The following MAT2B variants were observed in gnomAD, a reference collection of about 807,000 sequenced individuals.
MAT2B encodes the protein methionine adenosyltransferase 2 non-catalytic beta subunit.
Under a neutral mutation model 36.1 loss-of-function variants are expected in MAT2B, and 16 were observed. The ratio of observed to expected loss-of-function variants is 0.44; its 90% CI spans 0.30 to 0.67. The LOEUF is 0.67. MAT2B is among the 30% of genes least tolerant of loss of function. The pLI, the probability that MAT2B is intolerant of heterozygous loss-of-function variation, is 0.09. For missense variants in MAT2B, 332 were observed against 398.2 expected, an observed-to-expected ratio of 0.83 and a Z score of 1.42; for synonymous variants, 148 against 136.9, an observed-to-expected ratio of 1.08 and a Z score of -0.57.
chr5:163,513,717 A>G, intron 3 of MAT2B, 48 bp downstream of exon 3: 1 of 1,541,844 alleles, frequency 6.5e-7, no homozygotes, highest in African/African-American at 1.4e-5. Flanking sequence ...GTGATTGCTG[A>G]GTTTTTAGAA....
chr5:163,507,509 A>G (rs971254240), intron 1 of MAT2B, among the ~76,000 whole-genome samples: 3 of 152,216 alleles, frequency 2.0e-5, no homozygotes, highest in African/African-American at 7.2e-5. Context: ...TTAAACTGAT[A>G]TTAGATCTAC....
intron 1 of MAT2B, among the ~76,000 whole-genome samples, 154 bp downstream of exon 1, chr5:163,505,903 G>A (rs1759928160): frequency 6.6e-6 from 1 of 151,940 alleles, no homozygotes; most frequent in East Asian, 1.9e-4. Flanking sequence ...CCGGATCCGA[G>A]GGGGGCGCCA....
intron 5 of MAT2B, 174 bp downstream of exon 5, chr5:163,516,885 ATAT>A: frequency 1.6e-6 from 1 of 619,862 alleles, no homozygotes; most frequent in East Asian, 2.7e-5. Flanking sequence ...AAGAATAAAA[ATAT>A]TATGCTCTTC....
intron 1 of MAT2B, among the ~76,000 whole-genome samples, chr5:163,510,541 C>A (rs1202847347): frequency 6.6e-6 from 1 of 151,850 alleles, no homozygotes; most frequent in African/African-American, 2.4e-5. Flanking sequence ...ATTACAGGCA[C>A]CTGCAACCAC....
At chr5:163,514,618 T>TC (rs1027268752) in intron 4 of MAT2B, among the ~76,000 whole-genome samples, 13 of 151,960 alleles carry the variant, frequency 8.6e-5, no homozygotes, top group African/African-American at 3.1e-4. Context: ...ACCTGTTTTT[T>TC]TTCCCTCAAC....
intron 2 of MAT2B, 153 bp from the exon 3 acceptor site, chr5:163,513,402 C>T (rs1760080895): frequency 1.3e-5 from 7 of 544,548 alleles, no homozygotes; most frequent in Non-Finnish European, 2.3e-5. Flanking sequence ...AAAGAAGCAG[C>T]ATGACAAAAC....
chr5:163,505,545 A>G (rs1218396432), upstream of MAT2B: 4 of 1,242,588 alleles, frequency 3.2e-6, no homozygotes, highest in East Asian at 6.3e-5. Context: ...GGGCGCGGCT[A>G]TGGCAGCGGA....
chr5:163,512,398 T>A, intron 2 of MAT2B: 1 of 588,480 alleles, frequency 1.7e-6, no homozygotes, highest in South Asian at 2.0e-5. Flanking sequence ...AAGACAAATA[T>A]GAGACATTTT....
chr5:163,508,464 C>T (rs1759979386), intron 1 of MAT2B, among the ~76,000 whole-genome samples: 2 of 152,112 alleles, frequency 1.3e-5, no homozygotes, highest in South Asian at 4.1e-4. Context: ...TTTTGAACCC[C>T]TGACCTCAAG....
intron 1 of MAT2B, 88 bp from the exon 2 acceptor site, chr5:163,511,914 A>G: frequency 1.0e-6 from 1 of 962,036 alleles, no homozygotes; most frequent in Non-Finnish European, 1.6e-6. Context: ...TAGAATTAAG[A>G]CATTTAGGGA....
intron 4 of MAT2B, 98 bp from the exon 5 acceptor site, chr5:163,516,420 G>T (rs984632871): frequency 7.4e-6 from 7 of 945,758 alleles, no homozygotes; most frequent in South Asian, 4.9e-5. Context: ...AAAAGGCAAG[G>T]TTTCTACTTT....
intron 1 of MAT2B, among the ~76,000 whole-genome samples, chr5:163,509,306 G>T (rs1205097696): frequency 1.3e-5 from 2 of 152,094 alleles, no homozygotes; most frequent in African/African-American, 4.8e-5. Context: ...TTTTTAAGGG[G>T]GAAAGATACT....
Position 163,516,568 on chromosome 5 carries a change from G to A in MAT2B, c.577G>A (p.Glu193Lys), listed in dbSNP as rs200525612. ...TCTGTATGGGGAAGTTGAAAAGCTC[G>A]AAGAAAGTGCTGTGACTGTTATGTT... is the stretch of plus-strand genomic sequence containing the variant. ...PILYGEVEKL[E>K]ESAVTVMFDK... The change falls in exon 5 of 7, where the codon GAA (glutamate) becomes AAA (lysine). Residue 193 changes from glutamate (E) to lysine (K), a missense_variant. By Grantham distance (56) the Glu-to-Lys change is moderately conservative. Coordinates refer to ENST00000321757, the MANE Select transcript of MAT2B (RefSeq NM_013283.5). 18 of 1,614,144 alleles carry A rather than the reference G, an allele frequency of 1.1e-5. No individual in the cohort carries two copies. The Admixed American group carries it at 1.7e-4, about 15-fold the overall frequency.
upstream of MAT2B, chr5:163,505,478 G>A (rs868214829): frequency 4.1e-6 from 5 of 1,213,138 alleles, no homozygotes; most frequent in African/African-American, 1.6e-5. Flanking sequence ...TGGGCTGGGG[G>A]CAGACCGCGC....
chr5:163,505,591 G>A, upstream of MAT2B: 1 of 1,247,954 alleles, frequency 8.0e-7, no homozygotes, highest in East Asian at 3.2e-5. Context: ...TCTGGGCCTA[G>A]GGGAGGCGGG....
chr5:163,507,124 C>T (rs1759960608), intron 1 of MAT2B, among the ~76,000 whole-genome samples: 1 of 152,158 alleles, frequency 6.6e-6, no homozygotes. Context: ...AAAAATTAAA[C>T]ATGGAACTGT....
Position 163,513,898 on chromosome 5 carries a change from A to G in MAT2B, c.430A>G (p.Asn144Asp), listed in dbSNP as rs138673581. The G allele has an allele frequency of 1.5e-5, 25 of 1,613,162 alleles. No individual in the cohort carries two copies. The highest frequency in any genetic ancestry group is 2.7e-5 in the African/African-American group (2 of 74,878). The change falls in exon 4 of 7, where the codon AAT becomes GAT. Residue 144 changes from asparagine (N) to aspartate (D), a missense_variant. By Grantham distance (23) the Asn-to-Asp change is conservative. Coordinates refer to ENST00000321757, the MANE Select transcript of MAT2B (RefSeq NM_013283.5). ...ISSDYVFDGT[N>D]PPYREEDIPA... The stretch of plus-strand genomic sequence containing the variant: ...CTCAGATTATGTATTTGATGGAACA[A>G]ATCCACCTTACAGAGAGGAAGACAT...
chr5:163,516,739 A>G, intron 5 of MAT2B, 28 bp downstream of exon 5: 1 of 1,612,050 alleles, frequency 6.2e-7, no homozygotes. Context: ...GTCCTGTCTT[A>G]GCGAAGGTCC....
intron 1 of MAT2B, among the ~76,000 whole-genome samples, chr5:163,507,645 G>T (rs973193809): frequency 6.6e-6 from 1 of 152,242 alleles, no homozygotes; most frequent in Admixed American, 6.5e-5. Context: ...AAAGTGTTTA[G>T]ACATTTCTTC....
Sources: allele counts gnomAD v4.1 joint callset (sites outside exome capture counted in the v4.1 genomes callset), GRCh38; gene constraint gnomAD v4.1.1; transcripts MANE v1.5; gene names NCBI Gene and HGNC (gene_info 2026-07-23, HGNC 2026-07-21).